RAB5C: variants seen among roughly 807,000 people sequenced by gnomAD.
RAB5C encodes the protein ras-related protein Rab-5C.
RAB5C carries 4 observed loss-of-function variants against 25.2 expected under a neutral mutation model. The observed-to-expected ratio is 0.16, with a 90% CI of 0.08 to 0.36. The LOEUF (loss-of-function observed/expected upper bound fraction) is 0.36, where lower values mean the gene tolerates loss of function less well. Ranked by LOEUF, RAB5C falls within the 10% of genes least tolerant of loss-of-function variation. The pLI is 1.00. For missense variants in RAB5C, 199 were observed against 283.8 expected, an observed-to-expected ratio of 0.70 and a Z score of 2.15; for synonymous variants, 100 against 106.4, an observed-to-expected ratio of 0.94 and a Z score of 0.37.
chr17:42,128,800 G>A lies in RAB5C; in HGVS notation c.167C>T (p.Ala56Val), dbSNP rs796621494. 3 of 1,497,552 alleles carry A rather than the reference G, an allele frequency of 2.0e-6. No individual in the cohort carries two copies. The highest frequency in any genetic ancestry group is 1.4e-5 in the South Asian group (1 of 71,524). The allele number at this position is 1,497,552 out of a possible 1,614,324, so 92.8% of individuals were successfully genotyped here. ...FHEYQESTIG[A>V]AFLTQTVCLD... Reference sequence around the variant, plus strand: ...GCAGACAGTCTGTGTGAGGAAGGCCGCTGTAAGAGAGAAGGAGCGTCCATG... The same window carrying A: ...GCAGACAGTCTGTGTGAGGAAGGCCACTGTAAGAGAGAAGGAGCGTCCATG... Residue 56 changes from alanine (A) to valine (V), a missense_variant and splice_region_variant, in exon 3 of 6, where the codon GCG (alanine) becomes GTG (valine). Around this residue, in one of 3 missense-constraint regions of RAB5C, gnomAD observed 24 missense variants for 64.0 expected, o/e 0.38. Coordinates refer to ENST00000346213, the MANE Select transcript of RAB5C (RefSeq NM_004583.4).
intron 1 of RAB5C, among the ~76,000 whole-genome samples, chr17:42,138,874 A>C (rs1475348389): frequency 6.6e-6 from 1 of 152,224 alleles, no homozygotes; most frequent in Non-Finnish European, 1.5e-5. Context: ...TGGCTCCTGC[A>C]GCCCTTTCCC....
Position 42,154,037 on chromosome 17 carries a change from C to T in RAB5C, c.-89+856G>A, listed in dbSNP as rs80289630. Among the ~76,000 whole-genome samples, 18 of 152,242 alleles carry T rather than the reference C, an allele frequency of 1.2e-4. No individual in the cohort carries two copies. In the East Asian group the frequency reaches 3.5e-3, roughly 29 times the overall value. Reference sequence around the variant, plus strand: ...TCCTCATTTTGGGTCTTATTCTCCTCCCTATAGACACACGGACAGCAGTCC... The same window carrying T: ...TCCTCATTTTGGGTCTTATTCTCCTTCCTATAGACACACGGACAGCAGTCC... On this transcript the variant is annotated intron_variant, in intron 1 of 5. Coordinates refer to ENST00000346213, the MANE Select transcript of RAB5C (RefSeq NM_004583.4).
intron 1 of RAB5C, 104 bp downstream of exon 1, chr17:42,154,789 G>A (rs988959720): frequency 1.3e-5 from 2 of 152,358 alleles, no homozygotes; most frequent in African/African-American, 2.4e-5. Flanking sequence ...CGGGTCGGGG[G>A]AGGGGTCAGT....
chr17:42,128,242 A>T lies in RAB5C; in HGVS notation c.441+19T>A. Reference sequence around the variant, plus strand: ...AGCTGCTTACTCCACTCCTTCCCCCAAGTCTGTCATCTCCCCACCTGGAAT... The same window carrying T: ...AGCTGCTTACTCCACTCCTTCCCCCTAGTCTGTCATCTCCCCACCTGGAAT... On this transcript the variant is annotated intron_variant, in intron 4 of 5. Transcript: ENST00000346213. 6.2e-7 allele frequency: 1 copy of T among 1,610,326 alleles called. No individual in the cohort carries two copies.
intron 1 of RAB5C, among the ~76,000 whole-genome samples, chr17:42,152,426 A>C (rs1262848948): frequency 1.3e-5 from 2 of 152,114 alleles, no homozygotes; most frequent in African/African-American, 2.4e-5. Flanking sequence ...AAGTGGCTGC[A>C]TAACGACCCA....
At chr17:42,142,373 C>G (rs2079608523) in intron 1 of RAB5C, among the ~76,000 whole-genome samples, 1 of 152,138 alleles carries the variant, frequency 6.6e-6, no homozygotes, top group African/African-American at 2.4e-5. Flanking sequence ...TTCCTTCCAT[C>G]TCAAAGCCTC....
chr17:42,127,715 C>T (rs928606528), intron 4 of RAB5C, among the ~76,000 whole-genome samples: 1 of 151,436 alleles, frequency 6.6e-6, no homozygotes, highest in African/African-American at 2.4e-5. Flanking sequence ...TTTTTTTAGA[C>T]ATGGGGTTTC....
chr17:42,154,290 G>GT (rs1329474099), intron 1 of RAB5C, among the ~76,000 whole-genome samples: 4 of 152,208 alleles, frequency 2.6e-5, no homozygotes, highest in African/African-American at 9.7e-5. Context: ...CTGGGAGACA[G>GT]AAGGGGCAAA....
intron 1 of RAB5C, among the ~76,000 whole-genome samples, chr17:42,142,288 G>A (rs1404906207): frequency 6.6e-6 from 1 of 151,824 alleles, no homozygotes; most frequent in Non-Finnish European, 1.5e-5. Context: ...CCCCGCCTTG[G>A]CCTCCCAAAG....
intron 1 of RAB5C, among the ~76,000 whole-genome samples, chr17:42,148,108 C>T (rs8071235): frequency 1.3e-5 from 2 of 149,136 alleles, no homozygotes; most frequent in Non-Finnish European, 3.0e-5. Context: ...CAAAAACAAA[C>T]AAAAAAAAAG....
chr17:42,129,811 CAAGAGGCCGAGG>C (rs2054466849), intron 2 of RAB5C, among the ~76,000 whole-genome samples: 1 of 152,232 alleles, frequency 6.6e-6, no homozygotes, highest in Non-Finnish European at 1.5e-5. Context: ...GCCACGGAGG[CAAGAGGCCGAGG>C]CCAGACCCTC....
chr17:42,146,288 T>A (rs2079634530), intron 1 of RAB5C, among the ~76,000 whole-genome samples: 1 of 152,146 alleles, frequency 6.6e-6, no homozygotes, highest in South Asian at 2.1e-4. Context: ...GAATAAAGGA[T>A]GGACTTTAAT....
chr17:42,154,039 C>T (rs2079689437), intron 1 of RAB5C, among the ~76,000 whole-genome samples: 1 of 152,146 alleles, frequency 6.6e-6, no homozygotes, highest in Non-Finnish European at 1.5e-5. Flanking sequence ...ATTCTCCTCC[C>T]TATAGACACA....
chr17:42,132,034 G>A (rs1013665827), intron 1 of RAB5C, among the ~76,000 whole-genome samples: 9 of 152,198 alleles, frequency 5.9e-5, no homozygotes, highest in African/African-American at 1.9e-4. Flanking sequence ...GCCCCGATCT[G>A]CCCCTGAGCA....
chr17:42,147,014 A>C (rs1421995988), intron 1 of RAB5C, among the ~76,000 whole-genome samples: 10 of 83,984 alleles, frequency 1.2e-4, no homozygotes, highest in Admixed American at 8.8e-4. Flanking sequence ...GAAAGAAAGA[A>C]AGACAGAAAG....
At position 42,140,511 on chromosome 17, in the gene RAB5C, ATATATTTTTTTTTTTTT is replaced by A. The variant is rs1214970518; in HGVS notation, c.-88-9938_-88-9922del. 4.2e-4 allele frequency among the ~76,000 whole-genome samples: 15 copies of A among 36,016 alleles called. No homozygotes were observed. In the African/African-American group the frequency reaches 5.0e-3, roughly 12 times the overall value. The allele number at this position is 36,016 out of a possible 152,430, so 23.6% of individuals were successfully genotyped here. Reference sequence around the variant, plus strand: ...TATATATATATATATATATATATATATATATTTTTTTTTTTTTTTTTTTTTTTTTTGAGATGGAGTCT... The same window carrying A: ...TATATATATATATATATATATATATATTTTTTTTTTTTTGAGATGGAGTCT... On this transcript the variant is annotated intron_variant, in intron 1 of 5. Transcript: ENST00000346213.
At chr17:42,138,420 C>A (rs2054559039) in intron 1 of RAB5C, among the ~76,000 whole-genome samples, 1 of 152,190 alleles carries the variant, frequency 6.6e-6, no homozygotes, top group Admixed American at 6.5e-5. Context: ...CTCCCACCTT[C>A]AGGAGGTCCA....
rs1420517535 is a variant in RAB5C, at chr17:42,124,989, C to T, written c.*794G>A. The stretch of plus-strand genomic sequence containing the variant: ...CAAGGAAGACAATTGTGAGGTCGAT[C>T]GATCGGCTGACTATATTGACAAGAT... On this transcript the variant is annotated 3_prime_UTR_variant, in exon 6 of 6. Coordinates refer to ENST00000346213, the MANE Select transcript of RAB5C (RefSeq NM_004583.4). The T allele has an allele frequency of 2.0e-5, 3 of 152,716 alleles. No homozygotes were observed. Among genetic ancestry groups the T allele is most frequent in the Non-Finnish European group, 2.9e-5 (2 of 68,036 alleles). The allele number at this position is 152,716 out of a possible 1,614,324, so 9.5% of individuals were successfully genotyped here. A position where few individuals can be genotyped will look rare whatever the true frequency, so the allele number is the denominator to read the frequency against.
chr17:42,125,564 G>T lies in RAB5C; in HGVS notation c.*219C>A. The T allele has an allele frequency of 3.8e-6, 2 of 531,466 alleles. No individual in the cohort carries two copies. Among genetic ancestry groups the T allele is most frequent in the South Asian group, 5.0e-5 (2 of 39,860 alleles). 32.9% of individuals were successfully genotyped at this position (531,466 alleles called of 1,614,324 possible). On this transcript the variant is annotated 3_prime_UTR_variant, in exon 6 of 6. Transcript: ENST00000346213. ...GCAGAAGATCATATATATTAAAAAA[G>T]TGACTTAAGACTTAAAATTGAATTA...
Sources: gnomAD v4.1 joint callset for allele counts (sites outside exome capture counted in the v4.1 genomes callset) on GRCh38, gnomAD v4.1.1 for gene constraint, gnomAD v4.1.1 regional missense constraint, MANE v1.5 for transcripts, NCBI Gene and HGNC (gene_info 2026-07-23, HGNC 2026-07-21) for gene names.